Variants in ZER1 observed in about 807,000 individuals in gnomAD.
The protein encoded by ZER1 is protein zer-1 homolog.
In ZER1, 11 loss-of-function variants were observed where a neutral mutation model predicts 78.8. The ratio of observed to expected loss-of-function variants is 0.14; its 90% CI spans 0.09 to 0.23. The LOEUF (loss-of-function observed/expected upper bound fraction) is 0.23, where lower values mean the gene tolerates loss of function less well. ZER1 is among the 10% of genes least tolerant of loss of function. The pLI, the probability that ZER1 is intolerant of heterozygous loss-of-function variation, is 1.00. For missense variants in ZER1, 588 were observed against 996.9 expected (o/e 0.59, Z 5.52); for synonymous variants, 400 against 407.0 (o/e 0.98, Z 0.21).
At chr9:128,758,999 ATT>A (rs764467201) in intron 1 of ZER1, among the ~76,000 whole-genome samples, 18 of 139,734 alleles carry the variant, frequency 1.3e-4, no homozygotes, top group Non-Finnish European at 1.6e-4. Flanking sequence ...TTTCAAGTGA[ATT>A]TTTTTTTTTT....
At chr9:128,733,626 G>A (rs1227320285) in intron 14 of ZER1, 98 bp from the exon 15 acceptor site, 11 of 1,140,860 alleles carry the variant, frequency 9.6e-6, no homozygotes, top group South Asian at 4.0e-5. Context: ...TCCTGGTGTC[G>A]GGGGTGTGAA....
chr9:128,766,878 T>C (rs1206376062), intron 1 of ZER1, among the ~76,000 whole-genome samples: 1 of 148,384 alleles, frequency 6.7e-6, no homozygotes, highest in Non-Finnish European at 1.5e-5. Flanking sequence ...AGACCCAGTG[T>C]GTCCAGCTTT....
In ZER1 at chr9:128,753,588, G is replaced by A; in HGVS notation, c.322C>T (p.Leu108=). Residue 108 remains leucine (L), a synonymous_variant, in exon 4 of 16, where the codon CTG becomes TTG. Coordinates refer to ENST00000291900, the MANE Select transcript of ZER1 (RefSeq NM_006336.4). This position sits in a 1 kb window ranked among gnomAD's most constrained non-coding sequence, Gnocchi z 7.5. ...AGCTTCTCGCAGTTAGTCAGGTACA[G>A]CTCCACCAGGTCCTGGGAGTGGGCA... ...EAIRKQDLVE[L]YLTNCEKLSA... 8.1e-6 allele frequency: 13 copies of A among 1,613,332 alleles called. No individual in the cohort carries two copies. Among genetic ancestry groups the A allele is most frequent in the African/African-American group, 2.7e-5 (2 of 75,064 alleles).
chr9:128,740,037 G>A lies in ZER1; in HGVS notation c.1936C>T (p.Pro646Ser), dbSNP rs1449428427. 4 of 1,614,010 alleles carry A rather than the reference G, an allele frequency of 2.5e-6. No individual in the cohort carries two copies. Among genetic ancestry groups the A allele is most frequent in the East Asian group, 2.2e-5 (1 of 44,862 alleles). Residue 646 changes from proline to serine, a missense_variant, in exon 13 of 16, where the codon CCC becomes TCC. Coordinates refer to ENST00000291900, the MANE Select transcript of ZER1 (RefSeq NM_006336.4). The surrounding 1 kb of genome is among the most constrained non-coding windows in gnomAD (Gnocchi z 4.4). ...GGCTCACAGACGCCCCAGGCCTCGG[G>A]TCCATCAAACATGATGTGGGAGAGG... ...GVLSHIMFDG[P>S]EAWGVCEPQR...
intron 8 of ZER1, among the ~76,000 whole-genome samples, chr9:128,743,179 C>A (rs1863363574): frequency 2.0e-5 from 3 of 151,270 alleles, no homozygotes; most frequent in African/African-American, 7.3e-5. Flanking sequence ...GTGCAGTGGA[C>A]CTATCTCGGC....
rs148792476 is a variant in ZER1 at position 128,768,569 on chromosome 9, G to T, written c.-95+3012C>A. ...AACCAGGTCCGCAGGTCACCAGCCTGGGGTTCTACCCACAACAGCCTACCC... is the reference window on the plus strand; with the variant it reads ...AACCAGGTCCGCAGGTCACCAGCCTTGGGTTCTACCCACAACAGCCTACCC... On this transcript the variant is annotated intron_variant, in intron 1 of 15. Coordinates refer to ENST00000291900, the MANE Select transcript of ZER1 (RefSeq NM_006336.4). 3.4e-3 allele frequency among the ~76,000 whole-genome samples: 512 copies of T among 152,256 alleles called. 8 individuals carry two copies. The East Asian group carries it at 0.035, about 11-fold the overall frequency.
intron 15 of ZER1, chr9:128,733,212 C>T (rs1352269895): frequency 1.6e-5 from 8 of 498,722 alleles, no homozygotes; most frequent in South Asian, 3.4e-5. Context: ...CCTGATGCTC[C>T]GTTCCGAGCT....
intron 1 of ZER1, among the ~76,000 whole-genome samples, chr9:128,758,594 GTTTC>G (rs753607570): frequency 1.3e-5 from 2 of 151,708 alleles, no homozygotes; most frequent in African/African-American, 2.4e-5. Flanking sequence ...AATCTTTCTG[GTTTC>G]TTTGTTTTTT....
chr9:128,761,894 G>A (rs1034867237), intron 1 of ZER1, among the ~76,000 whole-genome samples: 1 of 152,212 alleles, frequency 6.6e-6, no homozygotes, highest in Non-Finnish European at 1.5e-5. Context: ...GTGAGCCACC[G>A]CGCCCGGCTG....
chr9:128,750,547 C>A (rs530771246), intron 8 of ZER1, 69 bp downstream of exon 8: 13 of 1,564,008 alleles, frequency 8.3e-6, no homozygotes, highest in Non-Finnish European at 1.1e-5. Flanking sequence ...GGAGCCCTAG[C>A]GGGACGCAAG....
chr9:128,769,353 G>A (rs1178380585), intron 1 of ZER1, among the ~76,000 whole-genome samples: 2 of 151,942 alleles, frequency 1.3e-5, no homozygotes, highest in Non-Finnish European at 2.9e-5. Context: ...ACTGCATTAA[G>A]CACTTCAGCC....
At chr9:128,748,235 C>T (rs1442788321) in intron 8 of ZER1, among the ~76,000 whole-genome samples, 1 of 151,964 alleles carries the variant, frequency 6.6e-6, no homozygotes, top group African/African-American at 2.4e-5. Context: ...GAAACCCCGT[C>T]TCCACTAAAA....
rs942729405 is a variant in ZER1 at position 128,764,127 on chromosome 9, C to T, written c.-95+7454G>A. On this transcript the variant is annotated intron_variant, in intron 1 of 15. Transcript: ENST00000291900. ...CTGCAAGGAGAGGGGGTGCATGGGACGTTGGCACTACGGGCCCAGGTCCAT... is the reference window on the plus strand; with the variant it reads ...CTGCAAGGAGAGGGGGTGCATGGGATGTTGGCACTACGGGCCCAGGTCCAT... 2.6e-5 allele frequency among the ~76,000 whole-genome samples: 4 copies of T among 152,026 alleles called. No homozygotes were observed. In the East Asian group the frequency reaches 5.8e-4, roughly 22 times the overall value.
Position 128,736,913 on chromosome 9 carries a change from G to T in ZER1, c.2043-1482C>A, listed in dbSNP as rs147301713. Among the ~76,000 whole-genome samples, 536 of 152,098 alleles carry T rather than the reference G, an allele frequency of 3.5e-3. 8 individuals are homozygous for T. The highest frequency in any genetic ancestry group is 0.035 in the East Asian group (180 of 5,144). ...AATCCTAGCACTTTGGGAGGCTGAGGGGGGTGGATTGCCTGAGCTCAGGAG... is the reference window on the plus strand; with the variant it reads ...AATCCTAGCACTTTGGGAGGCTGAGTGGGGTGGATTGCCTGAGCTCAGGAG... On this transcript the variant is annotated intron_variant, in intron 13 of 15. Transcript: ENST00000291900.
intron 13 of ZER1, among the ~76,000 whole-genome samples, chr9:128,738,451 T>C (rs1863167587): frequency 6.7e-6 from 1 of 150,312 alleles, no homozygotes; most frequent in South Asian, 2.1e-4. Flanking sequence ...AGTGGCGCGA[T>C]CTCGGCTAAC....
Position 128,741,659 on chromosome 9 carries a change from G to GAGGGC in ZER1, c.1618-10_1618-6dup, listed in dbSNP as rs1413305922. 1.2e-6 allele frequency: 2 copies of GAGGGC among 1,614,176 alleles called. No individual in the cohort carries two copies. Among genetic ancestry groups the GAGGGC allele is most frequent in the Non-Finnish European group, 1.7e-6 (2 of 1,180,032 alleles). On this transcript the variant is annotated splice_region_variant and splice_polypyrimidine_tract_variant and intron_variant, in intron 10 of 15. Transcript: ENST00000291900. ...GAACTCCATGACCTGGTCACACTGT[G>GAGGGC]AGGGCAGGGCAGGGCTCAGCCAAGG...
At chr9:128,745,676 G>A (rs146204461) in intron 8 of ZER1, among the ~76,000 whole-genome samples, 26 of 151,356 alleles carry the variant, frequency 1.7e-4, no homozygotes, top group East Asian at 9.9e-4. Flanking sequence ...TTTTTAAGAC[G>A]CGGTCTCTCT....
At chr9:128,748,212 T>C (rs944262180) in intron 8 of ZER1, among the ~76,000 whole-genome samples, 1 of 152,008 alleles carries the variant, frequency 6.6e-6, no homozygotes, top group Non-Finnish European at 1.5e-5. Flanking sequence ...GAGACCATCC[T>C]GGCTAACACA....
intron 13 of ZER1, among the ~76,000 whole-genome samples, chr9:128,737,449 T>A (rs575301766): frequency 6.6e-6 from 1 of 152,306 alleles, no homozygotes; most frequent in East Asian, 1.9e-4. Context: ...GTCAGCCTGT[T>A]CCTCCCAGTA....
Sources: allele counts gnomAD v4.1 joint callset (sites outside exome capture counted in the v4.1 genomes callset), GRCh38; gene constraint gnomAD v4.1.1; non-coding constraint Gnocchi (gnomAD v3.1); transcripts MANE v1.5; gene names NCBI Gene and HGNC (gene_info 2026-07-23, HGNC 2026-07-21).